SLC6A12: variants seen among roughly 807,000 people sequenced by gnomAD.
The protein encoded by SLC6A12 is sodium- and chloride-dependent betaine transporter.
In SLC6A12, 50 loss-of-function variants were observed where a neutral mutation model predicts 73.3. That is an observed-to-expected ratio of 0.68 (90% CI 0.54 to 0.86). The LOEUF (loss-of-function observed/expected upper bound fraction) is 0.86, where lower values mean the gene tolerates loss of function less well. Ranked by LOEUF, SLC6A12 falls within the 40% of genes least tolerant of loss-of-function variation. The pLI, the probability that SLC6A12 is intolerant of heterozygous loss-of-function variation, is 0.00. For missense variants in SLC6A12, 648 were observed against 772.8 expected (o/e 0.84, Z 1.92); for synonymous variants, 304 against 309.2 (o/e 0.98, Z 0.18).
chr12:195,751 C>T (rs1360150430), intron 12 of SLC6A12, among the ~76,000 whole-genome samples: 2 of 152,198 alleles, frequency 1.3e-5, no homozygotes, highest in African/African-American at 2.4e-5. Context: ...TGAAGCCCAG[C>T]ATCCATCCCT....
intron 3 of SLC6A12, chr12:204,939 G>GA (rs1254570001): frequency 4.3e-6 from 2 of 466,082 alleles, no homozygotes; most frequent in African/African-American, 3.9e-5. Flanking sequence ...GGAAATTAGT[G>GA]AAAACTTAGG....
Position 209,829 on chromosome 12 carries a change from A to C in SLC6A12, c.158T>G (p.Ile53Ser), listed in dbSNP as rs755481476. The C allele has an allele frequency of 1.4e-5, 23 of 1,613,988 alleles. 1 individual carries two copies. In the South Asian group the frequency reaches 2.5e-4, roughly 18 times the overall value. ...CCTCCAGACATTGCCCAGCCCAATGATCTCCCCGGCCACTGACAGCACAAA... is the reference window on the plus strand; with the variant it reads ...CCTCCAGACATTGCCCAGCCCAATGCTCTCCCCGGCCACTGACAGCACAAA... ...MEFVLSVAGE[I>S]IGLGNVWRFP... Residue 53 changes from isoleucine (I) to serine (S), a missense_variant, in exon 3 of 16, where the codon ATC becomes AGC. By Grantham distance (142) the Ile-to-Ser change is moderately radical. Coordinates refer to ENST00000684302, the MANE Select transcript of SLC6A12 (RefSeq NM_001122848.3).
intron 4 of SLC6A12, 189 bp downstream of exon 4, chr12:204,375 T>C: frequency 1.6e-6 from 1 of 622,650 alleles, no homozygotes. Context: ...GGGTCCCAGC[T>C]TGCTCGGGAG....
chr12:185,197 C>G (rs1939409952), downstream of SLC6A12, among the ~76,000 whole-genome samples: 1 of 152,238 alleles, frequency 6.6e-6, no homozygotes, highest in Non-Finnish European at 1.5e-5. Flanking sequence ...ACAGTGAGCC[C>G]AGGTCTCCGG....
downstream of SLC6A12, among the ~76,000 whole-genome samples, chr12:185,779 G>A: frequency 6.6e-6 from 1 of 152,200 alleles, no homozygotes; most frequent in Admixed American, 6.5e-5. Flanking sequence ...AGAGAGCGCT[G>A]GAGTGCGGGT....
chr12:203,053 T>C (rs1284588830), intron 4 of SLC6A12, among the ~76,000 whole-genome samples, 173 bp from the exon 5 acceptor site: 1 of 139,120 alleles, frequency 7.2e-6, no homozygotes, highest in Non-Finnish European at 1.5e-5. Flanking sequence ...CTTTCTTTTT[T>C]CTTTTCTTTT....
chr12:195,430 G>A (rs890546633), intron 12 of SLC6A12, 103 bp from the exon 13 acceptor site: 17 of 752,072 alleles, frequency 2.3e-5, no homozygotes, highest in Middle Eastern at 4.8e-4. Context: ...ACTCCTGCCC[G>A]GCCTGTGGGA....
At chr12:194,209 A>C (rs183100105) in intron 13 of SLC6A12, 1 of 152,382 alleles carries the variant, frequency 6.6e-6, no homozygotes, top group Non-Finnish European at 1.5e-5. Flanking sequence ...TGTTGTGACC[A>C]AGTTTAGCAG....
intron 14 of SLC6A12, 101 bp downstream of exon 14, chr12:193,176 G>A: frequency 4.8e-6 from 4 of 832,314 alleles, no homozygotes; most frequent in Non-Finnish European, 4.2e-6. Flanking sequence ...CGGGAGACTG[G>A]ACAGGTGGGG....
downstream of SLC6A12, among the ~76,000 whole-genome samples, chr12:186,333 C>G (rs1449298744): frequency 6.6e-6 from 1 of 152,230 alleles, no homozygotes; most frequent in South Asian, 2.1e-4. Flanking sequence ...GCAGCCACAG[C>G]AGCTGTCAGC....
At chr12:197,126 C>T (rs199914483) in intron 10 of SLC6A12, among the ~76,000 whole-genome samples, 2,176 of 72,546 alleles carry the variant, frequency 0.03, 18 homozygotes, top group African/African-American at 0.068. Context: ...TCCATCCATC[C>T]ATCCATCCAT....
downstream of SLC6A12, among the ~76,000 whole-genome samples, chr12:187,592 A>AAAAAAG (rs1939455106): frequency 4.1e-4 from 2 of 4,890 alleles, no homozygotes; most frequent in African/African-American, 5.9e-4. Flanking sequence ...AAAAGAGCAA[A>AAAAAAG]AAAAAAAAAA....
chr12:187,020 T>G (rs1192310874), downstream of SLC6A12, among the ~76,000 whole-genome samples: 1 of 152,166 alleles, frequency 6.6e-6, no homozygotes, highest in Non-Finnish European at 1.5e-5. Context: ...GGGCACAGAT[T>G]ATGAATTCAA....
chr12:200,800 A>G lies in SLC6A12; in HGVS notation c.579-17T>C, dbSNP rs750232292. The G allele has an allele frequency of 6.2e-7, 1 of 1,611,724 alleles. No homozygotes were observed. The highest frequency in any genetic ancestry group is 8.5e-7 in the Non-Finnish European group (1 of 1,179,340). On this transcript the variant is annotated splice_polypyrimidine_tract_variant and intron_variant, in intron 6 of 15. Transcript: ENST00000684302. ...ACTCGTCTCCTGGAGGATTGGGAAAAATAAGTAATGAGGGGAAAGGCTAAA... is the reference window on the plus strand; with the variant it reads ...ACTCGTCTCCTGGAGGATTGGGAAAGATAAGTAATGAGGGGAAAGGCTAAA...
chr12:185,281 C>T (rs748167473), downstream of SLC6A12, among the ~76,000 whole-genome samples: 1 of 152,234 alleles, frequency 6.6e-6, no homozygotes, highest in Non-Finnish European at 1.5e-5. Context: ...CTCCCCGGAA[C>T]CTCCTCTCCA....
At chr12:193,477 C>T (rs1319245990) in intron 13 of SLC6A12, 100 bp from the exon 14 acceptor site, 1 of 833,182 alleles carries the variant, frequency 1.2e-6, no homozygotes. Flanking sequence ...TTCCCTCACC[C>T]CCGCCCTGTG....
Position 192,535 on chromosome 12 carries a change from G to C in SLC6A12, c.1644C>G (p.Val548=), listed in dbSNP as rs976315536. 1 of 1,614,108 alleles carries C rather than the reference G, an allele frequency of 6.2e-7. No homozygotes were observed. ...IGWFLALSSM[V]CVPLFVVITL... ...TGATGACGACGAAGAGTGGGACACA[G>C]ACCATGGAGGACAGAGCCAGGAACC... Residue 548 remains valine, a synonymous_variant, in exon 15 of 16, where the codon GTC becomes GTG. Coordinates refer to ENST00000684302, the MANE Select transcript of SLC6A12 (RefSeq NM_001122848.3).
At position 198,633 on chromosome 12, in the gene SLC6A12, T is replaced by G; in HGVS notation, c.846+164A>C. The G allele has an allele frequency of 3.0e-6, 2 of 658,638 alleles. No individual in the cohort carries two copies. Among genetic ancestry groups the G allele is most frequent in the Non-Finnish European group, 5.0e-6 (2 of 403,392 alleles). The allele number at this position is 658,638 out of a possible 1,614,324, so 40.8% of individuals were successfully genotyped here. A position where few individuals can be genotyped will look rare whatever the true frequency, so the allele number is the denominator to read the frequency against. On this transcript the variant is annotated intron_variant, in intron 8 of 15. Transcript: ENST00000684302. This position sits in a 1 kb window ranked among gnomAD's most constrained non-coding sequence, Gnocchi z 4.0. The stretch of plus-strand genomic sequence containing the variant: ...TTTGAGTGGTGGAATTACAAGAGAT[T>G]TTTTTAGTTTCTTTTTTATAGCTTT...
intron 3 of SLC6A12, among the ~76,000 whole-genome samples, chr12:207,608 G>A (rs1037477069): frequency 6.6e-6 from 1 of 152,130 alleles, no homozygotes; most frequent in African/African-American, 2.4e-5. Flanking sequence ...CAGGCCTTAT[G>A]GTCAGCTTGA....
Sources: gnomAD v4.1 joint callset for allele counts (sites outside exome capture counted in the v4.1 genomes callset) on GRCh38, gnomAD v4.1.1 for gene constraint, Gnocchi (gnomAD v3.1) non-coding constraint, MANE v1.5 for transcripts, NCBI Gene and HGNC (gene_info 2026-07-23, HGNC 2026-07-21) for gene names.